Variants in WHRN observed in about 807,000 individuals in gnomAD.
WHRN encodes the protein whirlin, also known as CASK-interacting protein CIP98.
A neutral mutation model predicts 68.3 loss-of-function variants in WHRN; 41 were observed. That is an observed-to-expected ratio of 0.60 (90% CI 0.47 to 0.78). The LOEUF (loss-of-function observed/expected upper bound fraction) is 0.78. Among genes scored for constraint, WHRN ranks in the 30% least tolerant of loss-of-function variants. The pLI, the probability that WHRN is intolerant of heterozygous loss-of-function variation, is 0.00. For synonymous variants in WHRN, 560 were observed against 561.3 expected (o/e 1.00, Z 0.03); for missense variants, 1,243 against 1,244.7 (o/e 1.00, Z 0.02).
chr9:114,441,473 A>T (rs1040221832), intron 3 of WHRN, among the ~76,000 whole-genome samples: 1 of 152,216 alleles, frequency 6.6e-6, no homozygotes, highest in African/African-American at 2.4e-5. Flanking sequence ...GCCATTCCCC[A>T]TTGAGAAATA....
intron 3 of WHRN, among the ~76,000 whole-genome samples, chr9:114,441,057 G>A (rs966352064): frequency 3.3e-5 from 5 of 151,918 alleles, no homozygotes; most frequent in African/African-American, 1.2e-4. Context: ...CGATTCATCT[G>A]GTAAACAGAT....
chr9:114,422,514 G>T (rs1836385742), intron 7 of WHRN, among the ~76,000 whole-genome samples: 1 of 152,190 alleles, frequency 6.6e-6, no homozygotes, highest in Non-Finnish European at 1.5e-5. Flanking sequence ...CAGATGCTTT[G>T]CTGGGGGGCT....
chr9:114,462,702 A>G (rs1840346505), intron 3 of WHRN, among the ~76,000 whole-genome samples: 1 of 152,196 alleles, frequency 6.6e-6, no homozygotes, highest in Non-Finnish European at 1.5e-5. Context: ...GTGAGTTAAA[A>G]TCTCAGTTCT....
chr9:114,462,397 C>T (rs1032380587), intron 3 of WHRN, among the ~76,000 whole-genome samples: 2 of 152,156 alleles, frequency 1.3e-5, no homozygotes, highest in African/African-American at 2.4e-5. Context: ...GAGAAGTCCT[C>T]GGAGATCATC....
intron 3 of WHRN, among the ~76,000 whole-genome samples, chr9:114,438,679 C>T (rs1838096487): frequency 6.6e-6 from 1 of 152,020 alleles, no homozygotes; most frequent in Admixed American, 6.6e-5. Context: ...TCGCTATCTC[C>T]TGACCTCATG....
At chr9:114,493,307 C>A (rs996321450) in intron 1 of WHRN, among the ~76,000 whole-genome samples, 1 of 143,390 alleles carries the variant, frequency 7.0e-6, no homozygotes, top group Admixed American at 7.4e-5. Flanking sequence ...GCTGTTATCG[C>A]GCCACTGCAC....
intron 9 of WHRN, among the ~76,000 whole-genome samples, chr9:114,405,292 G>A (rs889189977): frequency 2.0e-5 from 3 of 151,982 alleles, no homozygotes; most frequent in Admixed American, 2.0e-4. Flanking sequence ...AGGCTCCTGA[G>A]GTCGAAATCC....
intron 7 of WHRN, among the ~76,000 whole-genome samples, chr9:114,418,589 G>A (rs1362438796): frequency 6.6e-6 from 1 of 151,880 alleles, no homozygotes; most frequent in Non-Finnish European, 1.5e-5. Flanking sequence ...CTCACTCAGA[G>A]TCAAAGTCCT....
At chr9:114,488,398 T>G (rs1421747050) in intron 1 of WHRN, among the ~76,000 whole-genome samples, 3 of 152,124 alleles carry the variant, frequency 2.0e-5, no homozygotes, top group African/African-American at 4.8e-5. Context: ...TTCTAGGTGG[T>G]GAAGTGTCTA....
chr9:114,440,570 T>C (rs1199149185), intron 3 of WHRN, among the ~76,000 whole-genome samples: 1 of 152,204 alleles, frequency 6.6e-6, no homozygotes, highest in Non-Finnish European at 1.5e-5. Context: ...AAAACTTACA[T>C]ACACAAACCC....
chr9:114,435,762 CT>C (rs1405188587), intron 3 of WHRN, among the ~76,000 whole-genome samples: 1 of 152,058 alleles, frequency 6.6e-6, no homozygotes, highest in East Asian at 1.9e-4. Context: ...CAGTGACCAG[CT>C]GGAAGATAAG....
At chr9:114,491,811 G>T (rs532015791) in intron 1 of WHRN, 1 of 261,754 alleles carries the variant, frequency 3.8e-6, no homozygotes. Flanking sequence ...CCATGCCCAC[G>T]TCTCCTCCTG....
chr9:114,402,758 A>G lies in WHRN; in HGVS notation c.2720T>C (p.Leu907Pro). ...GAGGCCCTCAGGCCTTGGCCTCTAG[A>G]GCATCACATTGAACTCAGTGACCAG... ...DFLVTEFNVM[L>P] Residue 907 changes from leucine (L) to proline (P), a missense_variant, in exon 12 of 12, where the codon CTC (leucine) becomes CCC (proline). By Grantham distance (98) the Leu-to-Pro change is moderately conservative. Coordinates refer to ENST00000362057, the MANE Select transcript of WHRN (RefSeq NM_015404.4). 6.2e-7 allele frequency: 1 copy of G among 1,613,888 alleles called. No individual in the cohort carries two copies. The highest frequency in any genetic ancestry group is 8.5e-7 in the Non-Finnish European group (1 of 1,180,040).
chr9:114,472,431 T>G (rs139559481), intron 2 of WHRN, among the ~76,000 whole-genome samples: 1 of 152,174 alleles, frequency 6.6e-6, no homozygotes, highest in African/African-American at 2.4e-5. Flanking sequence ...ATAGGACGGA[T>G]CCGTGTATGA....
chr9:114,477,453 G>GA (rs1841741788), intron 2 of WHRN, among the ~76,000 whole-genome samples: 1 of 152,158 alleles, frequency 6.6e-6, no homozygotes, highest in South Asian at 2.1e-4. Context: ...TGTGTTTCAA[G>GA]AAACAGTACA....
intron 3 of WHRN, among the ~76,000 whole-genome samples, chr9:114,451,290 C>T (rs1402795678): frequency 6.6e-6 from 1 of 152,144 alleles, no homozygotes; most frequent in Non-Finnish European, 1.5e-5. Context: ...GGAGGCCTGC[C>T]TTTGAATCAC....
chr9:114,498,618 A>C (rs1843662949), intron 1 of WHRN, among the ~76,000 whole-genome samples: 3 of 152,052 alleles, frequency 2.0e-5, no homozygotes, highest in Admixed American at 2.0e-4. Flanking sequence ...CCGCCCCCCA[A>C]CCTTAGTAAG....
chr9:114,409,154 A>G (rs550736148), intron 7 of WHRN, among the ~76,000 whole-genome samples: 1 of 152,344 alleles, frequency 6.6e-6, no homozygotes, highest in East Asian at 1.9e-4. Context: ...TGCTGGCTAC[A>G]TCAACACTTG....
chr9:114,495,754 T>C (rs950174656), intron 1 of WHRN, among the ~76,000 whole-genome samples: 1 of 151,722 alleles, frequency 6.6e-6, no homozygotes, highest in Non-Finnish European at 1.5e-5. Flanking sequence ...CAGGGAAAAT[T>C]TGGGAGAAAT....
Sources: allele counts gnomAD v4.1 joint callset (sites outside exome capture counted in the v4.1 genomes callset), GRCh38; gene constraint gnomAD v4.1.1; transcripts MANE v1.5; gene names NCBI Gene and HGNC (gene_info 2026-07-23, HGNC 2026-07-21).